NCKAP1: variants seen among roughly 807,000 people sequenced by gnomAD.
NCKAP1 encodes the protein nck-associated protein 1.
NCKAP1 carries 21 observed loss-of-function variants against 151.2 expected under a neutral mutation model. The ratio of observed to expected loss-of-function variants is 0.14; its 90% confidence interval spans 0.10 to 0.20. The LOEUF is 0.20. Ranked by LOEUF, NCKAP1 falls within the 10% of genes least tolerant of loss-of-function variation. The pLI is 1.00. For synonymous variants in NCKAP1, 484 were observed against 451.8 expected (o/e 1.07, Z -0.90); for missense variants, 933 against 1,352.1 (o/e 0.69, Z 4.86).
At chr2:182,996,292 T>G (rs1698266748) in intron 6 of NCKAP1, among the ~76,000 whole-genome samples, 1 of 152,228 alleles carries the variant, frequency 6.6e-6, no homozygotes, top group Non-Finnish European at 1.5e-5. Context: ...ATAAAAATAA[T>G]ACACTGTACC....
At position 182,914,053 on chromosome 2, in the gene NCKAP1, T is replaced by C. The variant is rs1575004709; in HGVS notation, c.*11649A>G. 6.6e-6 allele frequency: 1 copy of C among 152,334 alleles called. No individual in the cohort carries two copies. The highest frequency in any genetic ancestry group is 2.1e-4 in the South Asian group (1 of 4,824). 9.4% of individuals were successfully genotyped at this position (152,334 alleles called of 1,614,324 possible). On this transcript the variant is annotated 3_prime_UTR_variant, in exon 31 of 31. Transcript: ENST00000361354. Reference sequence around the variant, plus strand: ...TTTTCTTCCCTCATTTAATCAGTTGTAGCCAGGGAGAAGTCACATATTGGT... The same window carrying C: ...TTTTCTTCCCTCATTTAATCAGTTGCAGCCAGGGAGAAGTCACATATTGGT...
Position 182,983,585 on chromosome 2 carries a change from CTA to C in NCKAP1, c.1005-205_1005-204del, listed in dbSNP as rs377438420. Among the ~76,000 whole-genome samples the C allele has an allele frequency of 1.3e-3, 193 of 152,236 alleles. 2 individuals are homozygous for C. Among genetic ancestry groups the C allele is most frequent in the African/African-American group, 4.5e-3 (185 of 41,558 alleles). On this transcript the variant is annotated intron_variant, in intron 10 of 30. Coordinates refer to ENST00000361354, the MANE Select transcript of NCKAP1 (RefSeq NM_013436.5). ...TGCCTTTCTTATGTTGCTTTTTAAA[CTA>C]TGTTTCTTTTGTTATTCTCCATCTA... is the stretch of plus-strand genomic sequence containing the variant.
Position 182,912,799 on chromosome 2 carries a change from C to G in NCKAP1, c.*12903G>C, listed in dbSNP as rs1472506432. ...CTTGCACCAAATTAAAATATGTGCA[C>G]TAGCACAATACTATAGACAGATCTC... On this transcript the variant is annotated 3_prime_UTR_variant, in exon 31 of 31. Transcript: ENST00000361354. The G allele has an allele frequency of 7.6e-6, 1 of 130,814 alleles. No individual in the cohort carries two copies. Among genetic ancestry groups the G allele is most frequent in the African/African-American group, 2.6e-5 (1 of 38,644 alleles). The allele number at this position is 130,814 out of a possible 1,614,324, so 8.1% of individuals were successfully genotyped here. A position where few individuals can be genotyped will look rare whatever the true frequency, so the allele number is the denominator to read the frequency against.
Position 182,957,528 on chromosome 2 carries a change from A to G in NCKAP1, c.1950T>C (p.Gly650=). Residue 650 remains glycine, a synonymous_variant, in exon 19 of 31, where the codon GGT becomes GGC. Coordinates refer to ENST00000361354, the MANE Select transcript of NCKAP1 (RefSeq NM_013436.5). ...AVNKKSKKQT[G]KKGEPEREKP... Reference sequence around the variant, plus strand: ...TCTCCCTTTCAGGTTCCCCTTTCTTACCAGTCTGCTTTTTTGATTTCTTAT... The same window carrying G: ...TCTCCCTTTCAGGTTCCCCTTTCTTGCCAGTCTGCTTTTTTGATTTCTTAT... 1.2e-6 allele frequency: 2 copies of G among 1,613,892 alleles called. No individual in the cohort carries two copies. The highest frequency in any genetic ancestry group is 1.7e-6 in the Non-Finnish European group (2 of 1,179,910).
At chr2:182,995,593 AACT>A in intron 7 of NCKAP1, 105 bp downstream of exon 7, 2 of 1,036,286 alleles carry the variant, frequency 1.9e-6, no homozygotes, top group Non-Finnish European at 2.8e-6. Flanking sequence ...AATGAACTTC[AACT>A]AATAAGCTAA....
Position 182,944,128 on chromosome 2 carries a change from C to G in NCKAP1, c.2602-1965G>C, listed in dbSNP as rs371796841. ...AGAAGTAAAATTTGTGAACCATTAC[C>G]CTAAATTATTTGCTGGCTTACTATT... is the stretch of plus-strand genomic sequence containing the variant. On this transcript the variant is annotated intron_variant, in intron 23 of 30. Transcript: ENST00000361354. 3.9e-5 allele frequency among the ~76,000 whole-genome samples: 6 copies of G among 152,022 alleles called. No homozygotes were observed. In the East Asian group the frequency reaches 1.2e-3, roughly 29 times the overall value.
In NCKAP1 at chr2:182,923,214, A is replaced by T. The variant is rs1696579414; in HGVS notation, c.*2488T>A. 1 of 152,200 alleles carries T rather than the reference A, an allele frequency of 6.6e-6. No individual in the cohort carries two copies. The highest frequency in any genetic ancestry group is 6.5e-5 in the Admixed American group (1 of 15,280). The allele number at this position is 152,200 out of a possible 1,614,324, so 9.4% of individuals were successfully genotyped here. On this transcript the variant is annotated 3_prime_UTR_variant, in exon 31 of 31. Coordinates refer to ENST00000361354, the MANE Select transcript of NCKAP1 (RefSeq NM_013436.5). ...ACAGGTCAACTTTACCAAGATATAG[A>T]TATACATTTATAATAATGAAAAGAA...
intron 1 of NCKAP1, among the ~76,000 whole-genome samples, chr2:183,036,851 C>G (rs1699112023): frequency 1.3e-5 from 2 of 151,654 alleles, no homozygotes; most frequent in South Asian, 4.1e-4. Context: ...CAGAAGCCCT[C>G]TCAACCTACA....
intron 24 of NCKAP1, among the ~76,000 whole-genome samples, chr2:182,937,678 T>C (rs896341283): frequency 2.0e-5 from 3 of 151,962 alleles, no homozygotes; most frequent in Non-Finnish European, 2.9e-5. Flanking sequence ...AAAAAAAAAT[T>C]AATGTAGCAT....
In NCKAP1 at chr2:182,976,869, ATG is replaced by A; in HGVS notation, c.1482+22_1482+23del. On this transcript the variant is annotated intron_variant, in intron 15 of 30. Transcript: ENST00000361354. ...ATGTTAACTAAAATAACAAAACAGA[ATG>A]ACAATAAAAGGTTATTCTTACCTGT... 2.1e-6 allele frequency: 3 copies of A among 1,416,682 alleles called. No individual in the cohort carries two copies. In the East Asian group the frequency reaches 7.5e-5, roughly 35 times the overall value. 87.8% of individuals were successfully genotyped at this position (1,416,682 alleles called of 1,614,324 possible).
intron 20 of NCKAP1, among the ~76,000 whole-genome samples, chr2:182,956,129 C>T: frequency 6.6e-6 from 1 of 152,306 alleles, no homozygotes; most frequent in South Asian, 2.1e-4. Context: ...GCAAGTGTGT[C>T]TCCCGGGTTC....
At chr2:183,020,950 A>G (rs2105892233) in intron 2 of NCKAP1, among the ~76,000 whole-genome samples, 1 of 152,318 alleles carries the variant, frequency 6.6e-6, no homozygotes, top group South Asian at 2.1e-4. Context: ...ATAGTACTTC[A>G]GCAGGTAAAA....
chr2:182,967,349 C>T lies in NCKAP1; in HGVS notation c.1495G>A (p.Val499Ile), dbSNP rs754197168. ...DWFRLQAYTS[V>I]SKASLGLADH... is the part of the protein sequence containing the mutation. Reference sequence around the variant, plus strand: ...GCAAGGCCAAGTGAAGCCTTTGAGACACTAGTATATGCCTATAAAGTACAA... The same window carrying T: ...GCAAGGCCAAGTGAAGCCTTTGAGATACTAGTATATGCCTATAAAGTACAA... Residue 499 changes from valine to isoleucine, a missense_variant, in exon 16 of 31, where the codon GTC (valine) becomes ATC (isoleucine). Physicochemically the swap from Val to Ile is conservative, Grantham distance 29. Coordinates refer to ENST00000361354, the MANE Select transcript of NCKAP1 (RefSeq NM_013436.5). 6.2e-7 allele frequency: 1 copy of T among 1,604,982 alleles called. No homozygotes were observed. Among genetic ancestry groups the T allele is most frequent in the Admixed American group, 1.7e-5 (1 of 58,696 alleles).
intron 2 of NCKAP1, among the ~76,000 whole-genome samples, chr2:183,008,337 T>C (rs1371376896): frequency 1.3e-5 from 2 of 152,218 alleles, no homozygotes; most frequent in East Asian, 3.8e-4. Context: ...CTATACTATT[T>C]TTGCAAAGTT....
chr2:182,961,170 G>A (rs1354172478), intron 18 of NCKAP1, among the ~76,000 whole-genome samples: 7 of 152,182 alleles, frequency 4.6e-5, no homozygotes, highest in Non-Finnish European at 1.0e-4. Context: ...GGAAGTCAGT[G>A]TGGCGATTCC....
intron 2 of NCKAP1, among the ~76,000 whole-genome samples, chr2:183,018,214 T>A (rs112274557): frequency 1.3e-5 from 2 of 152,004 alleles, no homozygotes; most frequent in South Asian, 4.1e-4. Context: ...GCCATTGCAC[T>A]CCAGCCTGGG....
At chr2:183,019,316 TA>T (rs1312940421) in intron 2 of NCKAP1, among the ~76,000 whole-genome samples, 2 of 151,902 alleles carry the variant, frequency 1.3e-5, no homozygotes, top group Non-Finnish European at 2.9e-5. Flanking sequence ...AAACACAAAC[TA>T]CCTTTTAGGT....
chr2:183,029,208 T>C (rs564920816), intron 1 of NCKAP1, among the ~76,000 whole-genome samples: 1 of 151,968 alleles, frequency 6.6e-6, no homozygotes, highest in East Asian at 1.9e-4. Flanking sequence ...TCAGTAAAAA[T>C]GAAGGACAAG....
At chr2:182,931,742 G>A (rs1696769137) in intron 26 of NCKAP1, among the ~76,000 whole-genome samples, 1 of 152,062 alleles carries the variant, frequency 6.6e-6, no homozygotes, top group Non-Finnish European at 1.5e-5. Context: ...TCATGAATCT[G>A]TTAATGGACT....
Sources: gnomAD v4.1 joint callset for allele counts (sites outside exome capture counted in the v4.1 genomes callset) on GRCh38, gnomAD v4.1.1 for gene constraint, MANE v1.5 for transcripts, NCBI Gene and HGNC (gene_info 2026-07-23, HGNC 2026-07-21) for gene names.